The following STARD3NL variants were observed in gnomAD, a reference collection of about 807,000 sequenced individuals.
The protein encoded by STARD3NL is STARD3 N-terminal-like protein.
In STARD3NL, 17 loss-of-function variants were observed where a neutral mutation model predicts 30.9. The ratio of observed to expected loss-of-function variants is 0.55; its 90% CI spans 0.38 to 0.82. STARD3NL has a LOEUF of 0.82. Ranked by LOEUF, STARD3NL falls within the 40% of genes least tolerant of loss-of-function variation. The probability of loss-of-function intolerance (pLI) is 0.00; values close to 1 mark genes in which losing one functional copy is unlikely to be tolerated. For missense variants in STARD3NL, 234 were observed against 277.6 expected, an observed-to-expected ratio of 0.84 and a Z score of 1.12; for synonymous variants, 112 against 100.5, an observed-to-expected ratio of 1.11 and a Z score of -0.69.
In STARD3NL at chr7:38,217,098, C is replaced by T. The variant is rs772485017; in HGVS notation, c.435+20C>T. The T allele has an allele frequency of 6.2e-7, 1 of 1,614,028 alleles. No individual in the cohort carries two copies. Among genetic ancestry groups the T allele is most frequent in the Non-Finnish European group, 8.5e-7 (1 of 1,179,932 alleles). Reference sequence around the variant, plus strand: ...TCGAAGGTATGGCCTACCACTTTTTCTATACAGTTACCATCTTCAGTGATG... The same window carrying T: ...TCGAAGGTATGGCCTACCACTTTTTTTATACAGTTACCATCTTCAGTGATG... On this transcript the variant is annotated intron_variant, in intron 5 of 8. Coordinates refer to ENST00000009041, the MANE Select transcript of STARD3NL (RefSeq NM_032016.4).
chr7:38,214,020 A>G (rs1785958820), intron 2 of STARD3NL, among the ~76,000 whole-genome samples: 1 of 152,200 alleles, frequency 6.6e-6, no homozygotes. Context: ...ATAAAGGTGA[A>G]TTGCCTTCTT....
chr7:38,228,784 T>G lies in STARD3NL; in HGVS notation c.650-15T>G, dbSNP rs1786931868. On this transcript the variant is annotated splice_polypyrimidine_tract_variant and intron_variant, in intron 7 of 8. Coordinates refer to ENST00000009041, the MANE Select transcript of STARD3NL (RefSeq NM_032016.4). Reference sequence around the variant, plus strand: ...AATGAAATACTTTTTCTTTGTCCCCTTCTCCACCACGTAGGATCTGAAGAA... The same window carrying G: ...AATGAAATACTTTTTCTTTGTCCCCGTCTCCACCACGTAGGATCTGAAGAA... 6.2e-7 allele frequency: 1 copy of G among 1,609,290 alleles called. No homozygotes were observed. The highest frequency in any genetic ancestry group is 1.1e-5 in the South Asian group (1 of 90,372).
At chr7:38,217,442 A>G (rs1332778119) in intron 6 of STARD3NL, 137 bp downstream of exon 6, 3 of 748,472 alleles carry the variant, frequency 4.0e-6, no homozygotes, top group East Asian at 2.5e-5. Context: ...TTTAGTGGCT[A>G]CAGCAGAAAT....
chr7:38,179,267 C>T (rs1247424266), intron 1 of STARD3NL: 1 of 152,216 alleles, frequency 6.6e-6, no homozygotes, highest in African/African-American at 2.4e-5. Flanking sequence ...CCATACGCCT[C>T]TTTCTAGAAG....
intron 7 of STARD3NL, 109 bp downstream of exon 7, chr7:38,219,769 A>G (rs750372035): frequency 8.4e-6 from 7 of 835,896 alleles, no homozygotes; most frequent in Non-Finnish European, 7.9e-6. Context: ...AACATCTAAC[A>G]TGCCAGGCAT....
chr7:38,198,231 C>A (rs1260854610), intron 1 of STARD3NL: 1 of 152,284 alleles, frequency 6.6e-6, no homozygotes, highest in Non-Finnish European at 1.5e-5. Flanking sequence ...GTAGGCCCCA[C>A]CGTTTTTGCC....
At chr7:38,206,171 GCTGT>G (rs750217857) in intron 1 of STARD3NL, among the ~76,000 whole-genome samples, 4 of 152,294 alleles carry the variant, frequency 2.6e-5, no homozygotes, top group Admixed American at 1.3e-4. Flanking sequence ...GGAAATCTCA[GCTGT>G]CTGTTTCTAA....
chr7:38,228,393 T>G (rs1006507158), intron 7 of STARD3NL, among the ~76,000 whole-genome samples: 1 of 152,202 alleles, frequency 6.6e-6, no homozygotes, highest in Non-Finnish European at 1.5e-5. Flanking sequence ...CTCTCACTGC[T>G]CTCTCGCTCG....
chr7:38,202,050 A>G (rs1444063451), intron 1 of STARD3NL: 3 of 152,234 alleles, frequency 2.0e-5, no homozygotes, highest in Non-Finnish European at 2.9e-5. Flanking sequence ...AATTACATTC[A>G]TATTTACTTA....
Position 38,214,591 on chromosome 7 carries a change from C to T in STARD3NL, c.303+157C>T, listed in dbSNP as rs149898192. Among the ~76,000 whole-genome samples the T allele has an allele frequency of 2.4e-3, 361 of 152,244 alleles. 1 individual carries two copies. Among genetic ancestry groups the T allele is most frequent in the African/African-American group, 8.2e-3 (341 of 41,546 alleles). On this transcript the variant is annotated intron_variant, in intron 3 of 8. Coordinates refer to ENST00000009041, the MANE Select transcript of STARD3NL (RefSeq NM_032016.4). ...ATTCCCCACCCATTCAATGTTCTCT[C>T]TCTCTAAATAAGGAATTGTGTCATC...
intron 1 of STARD3NL, among the ~76,000 whole-genome samples, chr7:38,181,251 C>T (rs1784235057): frequency 6.6e-6 from 1 of 152,166 alleles, no homozygotes; most frequent in South Asian, 2.1e-4. Context: ...TAGCCTTAAT[C>T]TTACGCTTAG....
intron 1 of STARD3NL, among the ~76,000 whole-genome samples, chr7:38,197,385 C>G (rs1784974849): frequency 6.6e-6 from 1 of 151,766 alleles, no homozygotes; most frequent in Non-Finnish European, 1.5e-5. Context: ...ACTGCCATAC[C>G]CAGCTAATTT....
chr7:38,196,821 A>T (rs889531746), intron 1 of STARD3NL, among the ~76,000 whole-genome samples: 1 of 152,000 alleles, frequency 6.6e-6, no homozygotes, highest in Non-Finnish European at 1.5e-5. Flanking sequence ...TTTAGAAAAA[A>T]TATTTCTAAA....
At position 38,228,843 on chromosome 7, in the gene STARD3NL, T is replaced by A; in HGVS notation, c.694T>A (p.Leu232Ile). The A allele has an allele frequency of 6.2e-7, 1 of 1,612,776 alleles. No homozygotes were observed. Among genetic ancestry groups the A allele is most frequent in the Non-Finnish European group, 8.5e-7 (1 of 1,179,266 alleles). Residue 232 changes from leucine (L) to isoleucine (I), a missense_variant, in exon 8 of 9, where the codon TTA becomes ATA. Transcript: ENST00000009041. Reference sequence around the variant, plus strand: ...AAAACAGGACAGTGAGAAACCACTTTTAGAACTATGAGTACTACTTTTGTT... The same window carrying A: ...AAAACAGGACAGTGAGAAACCACTTATAGAACTATGAGTACTACTTTTGTT... The part of the protein sequence containing the change: ...EEKQDSEKPL[L>I]EL
At chr7:38,196,636 A>C (rs917218486) in intron 1 of STARD3NL, among the ~76,000 whole-genome samples, 4 of 152,162 alleles carry the variant, frequency 2.6e-5, no homozygotes, top group Admixed American at 2.6e-4. Context: ...TTTGACTCCA[A>C]AAATATTTTT....
At chr7:38,196,641 A>G (rs1370728030) in intron 1 of STARD3NL, among the ~76,000 whole-genome samples, 1 of 152,116 alleles carries the variant, frequency 6.6e-6, no homozygotes, top group Non-Finnish European at 1.5e-5. Flanking sequence ...CTCCAAAAAT[A>G]TTTTTTAATT....
chr7:38,185,592 G>A (rs781318320), intron 1 of STARD3NL, among the ~76,000 whole-genome samples: 3 of 152,174 alleles, frequency 2.0e-5, no homozygotes. Context: ...GGGACAGTGA[G>A]TAGAAGATGG....
intron 1 of STARD3NL, chr7:38,201,732 A>G: frequency 6.8e-6 from 1 of 147,774 alleles, no homozygotes; most frequent in Non-Finnish European, 1.5e-5. Context: ...TCTGTTGCCC[A>G]GGCTGGAGTG....
At chr7:38,219,734 C>G (rs534988815) in intron 7 of STARD3NL, 74 bp downstream of exon 7, 39 of 1,281,516 alleles carry the variant, frequency 3.0e-5, no homozygotes, top group Middle Eastern at 1.9e-4. Context: ...TTCCCTACCC[C>G]CTCTGTTTCT....
Sources: allele counts gnomAD v4.1 joint callset (sites outside exome capture counted in the v4.1 genomes callset), GRCh38; gene constraint gnomAD v4.1.1; transcripts MANE v1.5; gene names NCBI Gene and HGNC (gene_info 2026-07-23, HGNC 2026-07-21).